The following WWOX variants were observed in gnomAD, a reference collection of about 807,000 sequenced individuals.
The protein encoded by WWOX is WW domain-containing oxidoreductase.
A neutral mutation model predicts 46.2 loss-of-function variants in WWOX; 69 were observed. The observed-to-expected ratio is 1.49, with a 90% CI of 1.23 to 1.82. The LOEUF (loss-of-function observed/expected upper bound fraction) is 1.82, where lower values mean the gene tolerates loss of function less well. Among genes scored for constraint, WWOX ranks in the 40% most tolerant of loss-of-function variants. The pLI is 0.00. For synonymous variants in WWOX, 359 were observed against 202.6 expected (o/e 1.77, Z -6.56); for missense variants, 919 against 542.6 (o/e 1.69, Z -6.89).
intron 8 of WWOX, among the ~76,000 whole-genome samples, chr16:79,171,721 C>A (rs138779155): frequency 1.3e-5 from 2 of 152,258 alleles, no homozygotes; most frequent in South Asian, 2.1e-4. Flanking sequence ...GTTCTTTCTT[C>A]ATTCACGTTG....
chr16:78,371,460 G>C (rs940460713), intron 5 of WWOX, among the ~76,000 whole-genome samples: 1 of 152,080 alleles, frequency 6.6e-6, no homozygotes, highest in Admixed American at 6.5e-5. Flanking sequence ...GTGTTCTGTA[G>C]CTCTTTTAGT....
intron 8 of WWOX, among the ~76,000 whole-genome samples, chr16:78,889,841 G>A (rs1039316194): frequency 5.3e-5 from 8 of 152,152 alleles, no homozygotes; most frequent in African/African-American, 1.4e-4. Context: ...CAAGGGTTAC[G>A]TTTGCTGTAT....
intron 1 of WWOX, among the ~76,000 whole-genome samples, chr16:78,101,056 T>C (rs12598564): frequency 6.6e-6 from 1 of 151,600 alleles, no homozygotes; most frequent in Non-Finnish European, 1.5e-5. Flanking sequence ...TTCTTTTTTT[T>C]TTTTCTTTTG....
intron 8 of WWOX, among the ~76,000 whole-genome samples, chr16:79,210,954 A>C (rs2051715188): frequency 6.6e-6 from 1 of 152,124 alleles, no homozygotes; most frequent in Non-Finnish European, 1.5e-5. Context: ...GTCAAATATG[A>C]CATTTAGAAA....
intron 8 of WWOX, among the ~76,000 whole-genome samples, chr16:78,440,977 C>T (rs925204546): frequency 6.6e-6 from 1 of 152,016 alleles, no homozygotes; most frequent in Non-Finnish European, 1.5e-5. Flanking sequence ...AAGTCTTGCT[C>T]TGTCACCTAG....
intron 8 of WWOX, among the ~76,000 whole-genome samples, chr16:79,127,606 A>G (rs923591127): frequency 1.1e-4 from 17 of 152,154 alleles, no homozygotes; most frequent in Non-Finnish European, 1.8e-4. Context: ...ACGTGCATGC[A>G]TGTATTTGCA....
At chr16:78,431,819 C>T (rs1020042591) in intron 7 of WWOX, among the ~76,000 whole-genome samples, 2 of 151,870 alleles carry the variant, frequency 1.3e-5, no homozygotes, top group African/African-American at 2.4e-5. Context: ...CAGGCTGAAG[C>T]GATCCTCCTG....
intron 8 of WWOX, among the ~76,000 whole-genome samples, chr16:79,085,986 C>G (rs532963438): frequency 6.6e-6 from 1 of 152,110 alleles, no homozygotes; most frequent in South Asian, 2.1e-4. Context: ...GCAGGAGGAT[C>G]GCTTGCATCC....
chr16:79,205,070 A>C (rs1029807310), intron 8 of WWOX: 2 of 152,212 alleles, frequency 1.3e-5, no homozygotes, highest in African/African-American at 4.8e-5. Flanking sequence ...GCTGCACCGT[A>C]AACAGGAAAG....
chr16:78,869,485 C>G (rs748087974), intron 8 of WWOX, among the ~76,000 whole-genome samples: 3 of 152,240 alleles, frequency 2.0e-5, no homozygotes, highest in Admixed American at 6.5e-5. Flanking sequence ...CCTCCCAGCT[C>G]ATCCGGTAAC....
intron 8 of WWOX, among the ~76,000 whole-genome samples, chr16:79,027,008 A>G (rs2047658879): frequency 6.6e-6 from 1 of 151,300 alleles, no homozygotes; most frequent in African/African-American, 2.4e-5. Flanking sequence ...GTCCAGGTAC[A>G]GTGGCTCATG....
chr16:79,009,502 G>A (rs961183179), intron 8 of WWOX, among the ~76,000 whole-genome samples: 1 of 151,792 alleles, frequency 6.6e-6, no homozygotes, highest in Non-Finnish European at 1.5e-5. Context: ...GACTTTCGCT[G>A]TGTCACCTAG....
chr16:78,881,461 G>T lies in WWOX; in HGVS notation c.1057-330147G>T, dbSNP rs901067425. Among the ~76,000 whole-genome samples, 3 of 152,206 alleles carry T rather than the reference G, an allele frequency of 2.0e-5. No homozygotes were observed. In the East Asian group the frequency reaches 5.8e-4, roughly 29 times the overall value. ...TTTCAAGGAAAATCAGAGAATAAAAGTTTCCAATGCATTTAGACTAGAAAA... is the reference window on the plus strand; with the variant it reads ...TTTCAAGGAAAATCAGAGAATAAAATTTTCCAATGCATTTAGACTAGAAAA... On this transcript the variant is annotated intron_variant, in intron 8 of 8. Coordinates refer to ENST00000566780, the MANE Select transcript of WWOX (RefSeq NM_016373.4).
chr16:78,115,760 C>G (rs546432648), intron 4 of WWOX, among the ~76,000 whole-genome samples: 5 of 152,278 alleles, frequency 3.3e-5, no homozygotes, highest in African/African-American at 1.2e-4. Flanking sequence ...AAGGCGGGAG[C>G]AAACCATAAC....
At chr16:78,782,092 C>T (rs1306738536) in intron 8 of WWOX, among the ~76,000 whole-genome samples, 1 of 152,144 alleles carries the variant, frequency 6.6e-6, no homozygotes, top group Non-Finnish European at 1.5e-5. Flanking sequence ...ATAGATGAAG[C>T]TGTTACATTT....
Position 78,451,813 on chromosome 16 carries a change from C to A in WWOX, c.1056+19061C>A, listed in dbSNP as rs138778301. 3.3e-5 allele frequency among the ~76,000 whole-genome samples: 5 copies of A among 152,306 alleles called. No individual in the cohort carries two copies. In the East Asian group the frequency reaches 9.7e-4, roughly 29 times the overall value. The stretch of plus-strand genomic sequence containing the variant: ...TATTATTGATTATCTGATCCCCAAA[C>A]ATATGGAGTTACATCACAGCAGGTG... On this transcript the variant is annotated intron_variant, in intron 8 of 8. Coordinates refer to ENST00000566780, the MANE Select transcript of WWOX (RefSeq NM_016373.4).
intron 8 of WWOX, among the ~76,000 whole-genome samples, chr16:78,821,302 A>T (rs1412795852): frequency 1.3e-5 from 2 of 152,180 alleles, no homozygotes; most frequent in Non-Finnish European, 2.9e-5. Context: ...CAGGTTACAC[A>T]GCTAGTTATG....
intron 8 of WWOX, chr16:79,205,714 G>C (rs937452224): frequency 6.6e-6 from 1 of 152,188 alleles, no homozygotes; most frequent in African/African-American, 2.4e-5. Context: ...GGAAGTATTT[G>C]CATGTGTCTA....
intron 8 of WWOX, among the ~76,000 whole-genome samples, chr16:78,987,924 G>T (rs753123001): frequency 2.0e-5 from 3 of 152,168 alleles, no homozygotes; most frequent in Middle Eastern, 6.8e-3. Flanking sequence ...TGTCCCTTCT[G>T]TATCCATGGT....
Sources: gnomAD v4.1 joint callset for allele counts (sites outside exome capture counted in the v4.1 genomes callset) on GRCh38, gnomAD v4.1.1 for gene constraint, MANE v1.5 for transcripts, NCBI Gene and HGNC (gene_info 2026-07-23, HGNC 2026-07-21) for gene names.